GRM3: variants seen among roughly 807,000 people sequenced by gnomAD.
GRM3 encodes the protein glutamate metabotropic receptor 3.
GRM3 carries 26 observed loss-of-function variants against 70.5 expected under a neutral mutation model. The ratio of observed to expected loss-of-function variants is 0.37; its 90% CI spans 0.27 to 0.51. The LOEUF (loss-of-function observed/expected upper bound fraction) is 0.51. Ranked by LOEUF, GRM3 falls within the 20% of genes least tolerant of loss-of-function variation. The pLI is 0.93. For missense variants in GRM3, 859 were observed against 1,123.8 expected (o/e 0.76, Z 3.37); for synonymous variants, 443 against 434.9 (o/e 1.02, Z -0.23).
At chr7:86,709,446 A>G (rs1317556052) in intron 1 of GRM3, among the ~76,000 whole-genome samples, 2 of 152,064 alleles carry the variant, frequency 1.3e-5, no homozygotes, top group South Asian at 2.1e-4. Flanking sequence ...ATTCTCTTGC[A>G]TATCTACCTA....
At chr7:86,660,368 A>G (rs1793862218) in intron 1 of GRM3, among the ~76,000 whole-genome samples, 1 of 152,046 alleles carries the variant, frequency 6.6e-6, no homozygotes. Context: ...TTTGTAATGT[A>G]AACTCAATAT....
In GRM3 at chr7:86,786,732, G is replaced by A. The variant is rs749562894; in HGVS notation, c.940G>A (p.Glu314Lys). 8 of 1,613,352 alleles carry A rather than the reference G, an allele frequency of 5.0e-6. No homozygotes were observed. The highest frequency in any genetic ancestry group is 1.3e-5 in the African/African-American group (1 of 74,944). Reference sequence around the variant, plus strand: ...GCAGGAGAGCATCATCAAGGGCAGCGAGCATGTGGCCTACGGCGCCATCAC... The same window carrying A: ...GCAGGAGAGCATCATCAAGGGCAGCAAGCATGTGGCCTACGGCGCCATCAC... ...GAQESIIKGS[E>K]HVAYGAITLE... The change falls in exon 3 of 6, where the codon GAG becomes AAG. Residue 314 changes from glutamate (E) to lysine (K), a missense_variant. By Grantham distance (56) the Glu-to-Lys change is moderately conservative. Transcript: ENST00000361669. This position sits in a 1 kb window ranked among gnomAD's most constrained non-coding sequence, Gnocchi z 6.0.
intron 1 of GRM3, among the ~76,000 whole-genome samples, chr7:86,712,756 A>T (rs1795227563): frequency 6.6e-6 from 1 of 151,938 alleles, no homozygotes; most frequent in Non-Finnish European, 1.5e-5. Flanking sequence ...TGTTTGTCTT[A>T]TTTTACTTAA....
At chr7:86,672,375 T>TA (rs939996813) in intron 1 of GRM3, among the ~76,000 whole-genome samples, 1 of 152,138 alleles carries the variant, frequency 6.6e-6, no homozygotes, top group African/African-American at 2.4e-5. Context: ...AAATGGGCAA[T>TA]AAAAGTCTAT....
chr7:86,764,308 G>A (rs1183729372), intron 1 of GRM3, among the ~76,000 whole-genome samples: 1 of 152,104 alleles, frequency 6.6e-6, no homozygotes, highest in Non-Finnish European at 1.5e-5. Flanking sequence ...AGAAACCTAG[G>A]AAGTTGTAAT....
At chr7:86,840,303 C>T (rs1360762601) in intron 4 of GRM3, among the ~76,000 whole-genome samples, 1 of 152,038 alleles carries the variant, frequency 6.6e-6, no homozygotes, top group Non-Finnish European at 1.5e-5. Context: ...TAGGAGGACT[C>T]GGCTACCATG....
chr7:86,739,465 A>T (rs995696943), intron 1 of GRM3, among the ~76,000 whole-genome samples: 10 of 152,102 alleles, frequency 6.6e-5, no homozygotes, highest in African/African-American at 2.4e-4. Context: ...TGCCTGATTG[A>T]TATATAAAAA....
intron 1 of GRM3, among the ~76,000 whole-genome samples, chr7:86,756,680 A>G (rs867995726): frequency 1.3e-5 from 2 of 151,960 alleles, no homozygotes; most frequent in Non-Finnish European, 2.9e-5. Context: ...TTAACTACAT[A>G]TGGTTTTATT....
At chr7:86,652,808 GA>G (rs1463980789) in intron 1 of GRM3, among the ~76,000 whole-genome samples, 1 of 152,160 alleles carries the variant, frequency 6.6e-6, no homozygotes, top group Non-Finnish European at 1.5e-5. Flanking sequence ...AATAGTCTGT[GA>G]AATTATTGCC....
intron 2 of GRM3, among the ~76,000 whole-genome samples, chr7:86,769,476 T>C (rs746733165): frequency 6.6e-6 from 1 of 152,120 alleles, no homozygotes; most frequent in Non-Finnish European, 1.5e-5. Flanking sequence ...GTTTAGACAT[T>C]GCAATCTCCC....
chr7:86,804,024 G>C (rs1305874306), intron 3 of GRM3, among the ~76,000 whole-genome samples: 1 of 152,096 alleles, frequency 6.6e-6, no homozygotes, highest in Non-Finnish European at 1.5e-5. Flanking sequence ...AGAATGAGGT[G>C]GAGTGACTCA....
chr7:86,839,524 C>T lies in GRM3; in HGVS notation c.2010C>T (p.Phe670=), dbSNP rs201022940. The T allele has an allele frequency of 1.1e-4, 181 of 1,607,124 alleles. No individual in the cohort carries two copies. The highest frequency in any genetic ancestry group is 1.4e-4 in the Non-Finnish European group (163 of 1,176,120). ...LTKTNCIARI[F]DGVKNGAQRP... Reference sequence around the variant, plus strand: ...AGACAAACTGCATTGCCCGCATCTTCGATGGGGTCAAGAATGGCGCTCAGA... The same window carrying T: ...AGACAAACTGCATTGCCCGCATCTTTGATGGGGTCAAGAATGGCGCTCAGA... The change falls in exon 4 of 6, where the codon TTC becomes TTT. Residue 670 remains phenylalanine, a synonymous_variant. Coordinates refer to ENST00000361669, the MANE Select transcript of GRM3 (RefSeq NM_000840.3). The surrounding 1 kb of genome is among the most constrained non-coding windows in gnomAD (Gnocchi z 4.5).
chr7:86,689,192 A>C (rs1009030968), intron 1 of GRM3, among the ~76,000 whole-genome samples: 3 of 151,724 alleles, frequency 2.0e-5, no homozygotes, highest in African/African-American at 7.2e-5. Context: ...TATAAAATTA[A>C]AATCTAAAGA....
Position 86,644,732 on chromosome 7 carries a change from T to C in GRM3, c.-281T>C, listed in dbSNP as rs1793411415. ...GGGCAAAATAAGTTCTCCCTTGGAT[T>C]TGGAAAGGACAAAGCCAGTAAGCTA... On this transcript the variant is annotated 5_prime_UTR_variant, in exon 1 of 6. Transcript: ENST00000361669. 3 of 1,192,088 alleles carry C rather than the reference T, an allele frequency of 2.5e-6. No individual in the cohort carries two copies. Among genetic ancestry groups the C allele is most frequent in the Non-Finnish European group, 2.2e-6 (2 of 899,716 alleles). 73.8% of individuals were successfully genotyped at this position (1,192,088 alleles called of 1,614,324 possible).
chr7:86,775,591 T>G (rs1796864906), intron 2 of GRM3, among the ~76,000 whole-genome samples: 1 of 152,098 alleles, frequency 6.6e-6, no homozygotes, highest in Non-Finnish European at 1.5e-5. Flanking sequence ...AATAGCTTTT[T>G]ATCTCTTAAA....
chr7:86,744,175 T>C (rs1158835578), intron 1 of GRM3, among the ~76,000 whole-genome samples: 2 of 151,928 alleles, frequency 1.3e-5, no homozygotes, highest in African/African-American at 4.8e-5. Flanking sequence ...TCAGCATAAC[T>C]CACACTCCCC....
intron 3 of GRM3, among the ~76,000 whole-genome samples, chr7:86,804,257 C>A (rs1797741375): frequency 6.6e-6 from 1 of 152,096 alleles, no homozygotes; most frequent in African/African-American, 2.4e-5. Flanking sequence ...GACACTGAAC[C>A]AGTAAAGATC....
chr7:86,647,564 C>G (rs955075236), intron 1 of GRM3, among the ~76,000 whole-genome samples: 1 of 152,134 alleles, frequency 6.6e-6, no homozygotes, highest in Admixed American at 6.5e-5. Flanking sequence ...AAAAGGAGTA[C>G]GTGTTTACTC....
chr7:86,682,064 A>T (rs952529525), intron 1 of GRM3, among the ~76,000 whole-genome samples: 2 of 152,204 alleles, frequency 1.3e-5, no homozygotes, highest in Non-Finnish European at 2.9e-5. Flanking sequence ...AAATAATCAC[A>T]TGGAGAGGTT....
Sources: gnomAD v4.1 joint callset for allele counts (sites outside exome capture counted in the v4.1 genomes callset) on GRCh38, gnomAD v4.1.1 for gene constraint, Gnocchi (gnomAD v3.1) non-coding constraint, MANE v1.5 for transcripts, NCBI Gene and HGNC (gene_info 2026-07-23, HGNC 2026-07-21) for gene names.